Variants in ADGRL2 observed in about 807,000 individuals in gnomAD.
ADGRL2 encodes the protein calcium-independent alpha-latrotoxin receptor 2.
Under a neutral mutation model 157.4 loss-of-function variants are expected in ADGRL2, and 44 were observed. The ratio of observed to expected loss-of-function variants is 0.28; its 90% CI spans 0.22 to 0.36. The LOEUF is 0.36. Among genes scored for constraint, ADGRL2 ranks in the 10% least tolerant of loss-of-function variants. The probability of loss-of-function intolerance (pLI) is 1.00; values close to 1 mark genes in which losing one functional copy is unlikely to be tolerated. For synonymous variants in ADGRL2, 585 were observed against 624.7 expected (o/e 0.94, Z 0.95); for missense variants, 1,510 against 1,768.9 (o/e 0.85, Z 2.63).
intron 1 of ADGRL2, among the ~76,000 whole-genome samples, chr1:81,705,999 A>G (rs937578761): frequency 6.6e-6 from 1 of 152,106 alleles, no homozygotes; most frequent in African/African-American, 2.4e-5. Flanking sequence ...TCACGAGGTC[A>G]GGAGATCGAG....
chr1:81,844,952 G>C (rs1481178763), intron 2 of ADGRL2, among the ~76,000 whole-genome samples: 1 of 151,856 alleles, frequency 6.6e-6, no homozygotes, highest in African/African-American at 2.4e-5. Flanking sequence ...CATGAGAAAA[G>C]AGAAAATTAA....
chr1:81,860,514 G>T (rs1004127529), intron 2 of ADGRL2, among the ~76,000 whole-genome samples: 1 of 151,934 alleles, frequency 6.6e-6, no homozygotes, highest in African/African-American at 2.4e-5. Flanking sequence ...TTTTAAATAT[G>T]CACTATCACT....
chr1:81,507,620 A>G (rs1395907089), intron 2 of ADGRL2, among the ~76,000 whole-genome samples: 2 of 152,182 alleles, frequency 1.3e-5, no homozygotes, highest in African/African-American at 4.8e-5. Flanking sequence ...CTCATTTGTC[A>G]TAAGCGGAAA....
chr1:81,657,907 C>T (rs2082569380), intron 3 of ADGRL2, among the ~76,000 whole-genome samples: 1 of 151,960 alleles, frequency 6.6e-6, no homozygotes, highest in African/African-American at 2.4e-5. Flanking sequence ...CCTTTTTGTT[C>T]TTATTTTACT....
At chr1:81,412,615 A>G (rs971507022) in intron 1 of ADGRL2, among the ~76,000 whole-genome samples, 1 of 152,220 alleles carries the variant, frequency 6.6e-6, no homozygotes, top group African/African-American at 2.4e-5. Flanking sequence ...ATGTCTTTCT[A>G]TCACTAGTAA....
chr1:81,624,845 G>T (rs373766758), intron 3 of ADGRL2, among the ~76,000 whole-genome samples: 1 of 152,126 alleles, frequency 6.6e-6, no homozygotes, highest in African/African-American at 2.4e-5. Flanking sequence ...CTCCAATTCC[G>T]TATAAAAGAA....
rs766151780 is a variant in ADGRL2 at position 81,952,968 on chromosome 1, C to A, written c.1795-19C>A. 6.2e-7 allele frequency: 1 copy of A among 1,604,496 alleles called. No homozygotes were observed. The highest frequency in any genetic ancestry group is 2.2e-5 in the East Asian group (1 of 44,814). Reference sequence around the variant, plus strand: ...GATAAAAATCTAACCTCTGATTTTTCTTTTCTTTTACTTAAAAGCTCCAAA... The same window carrying A: ...GATAAAAATCTAACCTCTGATTTTTATTTTCTTTTACTTAAAAGCTCCAAA... On this transcript the variant is annotated intron_variant, in intron 9 of 23. Transcript: ENST00000686636.
At chr1:81,740,029 G>T (rs1001754999) in intron 1 of ADGRL2, among the ~76,000 whole-genome samples, 1 of 152,150 alleles carries the variant, frequency 6.6e-6, no homozygotes, top group African/African-American at 2.4e-5. Flanking sequence ...CACATGGATT[G>T]TTCAGGAAAT....
intron 1 of ADGRL2, among the ~76,000 whole-genome samples, chr1:81,387,763 G>T (rs935574842): frequency 6.6e-6 from 1 of 152,008 alleles, no homozygotes; most frequent in Non-Finnish European, 1.5e-5. Context: ...GAATACGGGT[G>T]GCCTCTGGAG....
rs1553172023 is a variant in ADGRL2, at chr1:81,511,395, A to AAGC, written c.-248+66306_-248+66307insAGC. On this transcript the variant is annotated intron_variant, in intron 2 of 24. Coordinates refer to the ADGRL2 transcript ENST00000370721. ...TGTCTCAGAAAAAAAAAAAAAAAAA[A>AAGC]GCGCGCACACACACACACACACACA... 2.6e-3 allele frequency among the ~76,000 whole-genome samples: 311 copies of AAGC among 118,764 alleles called. 1 individual carries two copies. Among genetic ancestry groups the AAGC allele is most frequent in the African/African-American group, 8.9e-3 (250 of 28,176 alleles). The allele number at this position is 118,764 out of a possible 152,430, so 77.9% of individuals were successfully genotyped here.
At chr1:81,927,755 T>C (rs987958019) in intron 3 of ADGRL2, among the ~76,000 whole-genome samples, 3 of 151,994 alleles carry the variant, frequency 2.0e-5, no homozygotes, top group Non-Finnish European at 4.4e-5. Flanking sequence ...ACAGAACACC[T>C]CTTTTTTGCC....
intron 1 of ADGRL2, among the ~76,000 whole-genome samples, chr1:81,407,653 T>C: frequency 6.6e-6 from 1 of 152,198 alleles, no homozygotes; most frequent in East Asian, 1.9e-4. Flanking sequence ...ATGATGTCAG[T>C]AATAAAAGCA....
At chr1:81,766,532 A>T (rs1174160215) in intron 2 of ADGRL2, among the ~76,000 whole-genome samples, 1 of 152,166 alleles carries the variant, frequency 6.6e-6, no homozygotes, top group Non-Finnish European at 1.5e-5. Flanking sequence ...TTTCTAATAC[A>T]TATGTAAGAA....
chr1:81,650,448 C>T (rs1300917649), intron 3 of ADGRL2, among the ~76,000 whole-genome samples: 10 of 150,950 alleles, frequency 6.6e-5, no homozygotes, highest in East Asian at 1.9e-4. Context: ...TGGTGGCACA[C>T]GCCCATAATT....
At chr1:81,912,967 A>G (rs973795289) in intron 3 of ADGRL2, among the ~76,000 whole-genome samples, 8 of 152,154 alleles carry the variant, frequency 5.3e-5, no homozygotes, top group African/African-American at 1.9e-4. Flanking sequence ...AACTTCTAGG[A>G]TTTTTATTCT....
intron 23 of ADGRL2, among the ~76,000 whole-genome samples, chr1:81,989,097 CTTAG>C (rs946790495): frequency 7.3e-5 from 11 of 151,334 alleles, no homozygotes; most frequent in Non-Finnish European, 1.5e-4. Flanking sequence ...ACTGTGATGT[CTTAG>C]TTTACATGTT....
upstream of ADGRL2, among the ~76,000 whole-genome samples, chr1:81,797,266 CTTTTGAAACAA>C (rs1409083090): frequency 1.3e-5 from 2 of 151,916 alleles, no homozygotes; most frequent in Non-Finnish European, 2.9e-5. Flanking sequence ...TTTTTTGTTT[CTTTTGAAACAA>C]TTTTGAAACA....
chr1:81,756,702 A>T (rs2085702600), intron 1 of ADGRL2, among the ~76,000 whole-genome samples: 6 of 152,164 alleles, frequency 3.9e-5, no homozygotes, highest in Admixed American at 3.9e-4. Flanking sequence ...TTTCCCTCCT[A>T]TAGGTAATTG....
At chr1:81,560,799 A>G (rs899283864) in intron 2 of ADGRL2, among the ~76,000 whole-genome samples, 17 of 152,012 alleles carry the variant, frequency 1.1e-4, no homozygotes, top group Non-Finnish European at 2.1e-4. Context: ...AATCCTCACA[A>G]TGGTCTGCAA....
Sources: allele counts gnomAD v4.1 joint callset (sites outside exome capture counted in the v4.1 genomes callset), GRCh38; gene constraint gnomAD v4.1.1; transcripts MANE v1.5; gene names NCBI Gene and HGNC (gene_info 2026-07-23, HGNC 2026-07-21).